Variants in NHSL2 observed in about 807,000 individuals in gnomAD.
NHSL2 encodes the protein NHS-like protein 2.
A neutral mutation model predicts 53.4 loss-of-function variants in NHSL2; 27 were observed. The observed-to-expected ratio is 0.51, with a 90% confidence interval of 0.37 to 0.70. The LOEUF is 0.70. Ranked by LOEUF, NHSL2 falls within the 30% of genes least tolerant of loss-of-function variation. The pLI is 0.00. For synonymous variants in NHSL2, 408 were observed against 404.1 expected (o/e 1.01, Z -0.12); for missense variants, 892 against 980.1 (o/e 0.91, Z 1.20).
At chrX:71,936,546 C>T (rs1178620340) in intron 1 of NHSL2, among the ~76,000 whole-genome samples, 1 of 112,726 alleles carries the variant, frequency 8.9e-6, no homozygotes, top group Non-Finnish European at 1.9e-5. Context: ...CAGGGGCTGC[C>T]ATGAGCAGTT....
At chrX:72,047,524 A>T (rs2042311864) in intron 1 of NHSL2, among the ~76,000 whole-genome samples, 3 of 112,032 alleles carry the variant, frequency 2.7e-5, no homozygotes, top group Non-Finnish European at 5.6e-5. Flanking sequence ...ACACTCTGGA[A>T]TCTTTCTCTT....
intron 1 of NHSL2, among the ~76,000 whole-genome samples, chrX:72,105,718 C>T (rs1237837116): frequency 1.8e-5 from 2 of 111,705 alleles, no homozygotes; most frequent in African/African-American, 6.5e-5. Flanking sequence ...GGCCTGTGAG[C>T]TACCCAGGAA....
chrX:71,940,490 G>A (rs1002968115), intron 1 of NHSL2, among the ~76,000 whole-genome samples: 7 of 111,661 alleles, frequency 6.3e-5, no homozygotes, highest in African/African-American at 2.3e-4. Context: ...AGAAGAGGCT[G>A]ACAGTAGAGA....
intron 1 of NHSL2, among the ~76,000 whole-genome samples, chrX:72,003,674 A>G (rs955185967): frequency 1.8e-5 from 2 of 112,110 alleles, no homozygotes; most frequent in Non-Finnish European, 3.8e-5. Flanking sequence ...AATGCTCCCA[A>G]TCTCATCAAG....
chrX:72,085,857 C>A (rs974518820), intron 1 of NHSL2, among the ~76,000 whole-genome samples: 1 of 110,147 alleles, frequency 9.1e-6, no homozygotes, highest in East Asian at 2.8e-4. Flanking sequence ...CCCTCTCCCC[C>A]ACCTTTGTGC....
chrX:72,099,858 G>T (rs770121373), intron 1 of NHSL2, among the ~76,000 whole-genome samples: 8 of 112,322 alleles, frequency 7.1e-5, no homozygotes, highest in Non-Finnish European at 1.5e-4. Context: ...TCTGGTGTAT[G>T]TTTTACACAT....
chrX:72,091,380 G>A (rs1051745974), intron 1 of NHSL2, among the ~76,000 whole-genome samples: 1 of 111,470 alleles, frequency 9.0e-6, no homozygotes, highest in Non-Finnish European at 1.9e-5. Flanking sequence ...CGTGAACCCG[G>A]GAGGCGGAGC....
At chrX:72,045,488 G>A (rs1420532669) in intron 1 of NHSL2, among the ~76,000 whole-genome samples, 3 of 111,514 alleles carry the variant, frequency 2.7e-5, no homozygotes, top group Non-Finnish European at 5.7e-5. Flanking sequence ...CAGGGGTGGA[G>A]GGGTGGTGGG....
chrX:72,140,167 G>A lies in NHSL2; in HGVS notation c.2619G>A (p.Glu873=), dbSNP rs2042402709. ...PERKTKPPVA[E]KPPVARRPPS... is the part of the protein sequence containing the mutation. Reference sequence around the variant, plus strand: ...GAAAGACAAAACCTCCCGTAGCTGAGAAGCCTCCGGTGGCCCGGAGGCCTC... The same window carrying A: ...GAAAGACAAAACCTCCCGTAGCTGAAAAGCCTCCGGTGGCCCGGAGGCCTC... The change falls in exon 6 of 8, where the codon GAG becomes GAA. Residue 873 remains glutamate (E), a synonymous_variant. Transcript: ENST00000633930. The A allele has an allele frequency of 3.3e-6, 4 of 1,211,090 alleles. No homozygotes were observed. The highest frequency in any genetic ancestry group is 4.5e-6 in the Non-Finnish European group (4 of 895,171).
In NHSL2 at chrX:72,132,063, C is replaced by T. The variant is rs1317126777; in HGVS notation, c.281-16C>T. 6 of 1,164,378 alleles carry T rather than the reference C, an allele frequency of 5.2e-6. No homozygotes were observed. The Admixed American group carries it at 1.0e-4, about 20-fold the overall frequency. On this transcript the variant is annotated splice_polypyrimidine_tract_variant and intron_variant, in intron 1 of 7. Coordinates refer to ENST00000633930, the MANE Select transcript of NHSL2 (RefSeq NM_001013627.3). ...CCAGCTCGCCTGCGCCTCTCACTGACTCTCTCCTTCCCTAGCTGCAGCTAA... is the reference window on the plus strand; with the variant it reads ...CCAGCTCGCCTGCGCCTCTCACTGATTCTCTCCTTCCCTAGCTGCAGCTAA...
At chrX:72,132,261 C>T in intron 2 of NHSL2, 27 bp downstream of exon 2, 1 of 1,134,172 alleles carries the variant, frequency 8.8e-7, no homozygotes, top group Non-Finnish European at 1.2e-6. Context: ...GGGCTGCGGC[C>T]GGAGCCCAGA....
At chrX:72,121,898 C>A (rs2042184498) in intron 1 of NHSL2, among the ~76,000 whole-genome samples, 1 of 112,194 alleles carries the variant, frequency 8.9e-6, no homozygotes, top group Admixed American at 9.4e-5. Context: ...TTATCACCAA[C>A]AGAAATCACA....
At chrX:72,078,980 C>A (rs1019232985) in intron 1 of NHSL2, among the ~76,000 whole-genome samples, 1 of 112,220 alleles carries the variant, frequency 8.9e-6, no homozygotes, top group Admixed American at 9.4e-5. Context: ...AAGCTGTTTC[C>A]TTGTCTTTCT....
intron 1 of NHSL2, among the ~76,000 whole-genome samples, chrX:72,005,972 C>T (rs1435900212): frequency 8.9e-6 from 1 of 111,829 alleles, no homozygotes; most frequent in Admixed American, 9.4e-5. Context: ...ACCTGAGGCC[C>T]AGGTTCCATT....
chrX:72,053,451 CT>C (rs2042352054), intron 1 of NHSL2, among the ~76,000 whole-genome samples: 1 of 111,931 alleles, frequency 8.9e-6, no homozygotes, highest in Non-Finnish European at 1.9e-5. Context: ...TACAGATGAA[CT>C]TTTCTTTTTA....
intron 1 of NHSL2, among the ~76,000 whole-genome samples, chrX:71,942,947 GCTCT>G (rs767412870): frequency 5.5e-5 from 4 of 72,210 alleles, no homozygotes; most frequent in African/African-American, 2.0e-4. Flanking sequence ...GGGCTCTAAT[GCTCT>G]CTCTCTCTCT....
intron 1 of NHSL2, among the ~76,000 whole-genome samples, chrX:71,971,953 T>C (rs2041926687): frequency 8.9e-6 from 1 of 111,981 alleles, no homozygotes; most frequent in Non-Finnish European, 1.9e-5. Flanking sequence ...CACTCCCTTT[T>C]AGCCTGAGAA....
chrX:72,139,417 T>C lies in NHSL2; in HGVS notation c.1869T>C (p.Ile623=). 8.3e-7 allele frequency: 1 copy of C among 1,211,152 alleles called. No homozygotes were observed. The highest frequency in any genetic ancestry group is 1.7e-5 in the African/African-American group (1 of 57,647). ...SHPDAQGHPA[I]PNHKDPESTQ... ...CAGATGCTCAGGGTCACCCAGCTAT[T>C]CCAAACCACAAAGATCCAGAAAGTA... Residue 623 remains isoleucine, a synonymous_variant, in exon 6 of 8, where the codon ATT becomes ATC. Coordinates refer to ENST00000633930, the MANE Select transcript of NHSL2 (RefSeq NM_001013627.3).
Position 72,148,476 on chromosome X carries a change from C to T in NHSL2, c.*4902C>T, listed in dbSNP as rs1432522439. On this transcript the variant is annotated 3_prime_UTR_variant, in exon 8 of 8. Coordinates refer to ENST00000633930, the MANE Select transcript of NHSL2 (RefSeq NM_001013627.3). Reference sequence around the variant, plus strand: ...AAAGGCTTTGCATGTATTTCAGCTACAAGTGACAAGGATATTAGGGATTTA... The same window carrying T: ...AAAGGCTTTGCATGTATTTCAGCTATAAGTGACAAGGATATTAGGGATTTA... 9.0e-6 allele frequency: 1 copy of T among 111,129 alleles called. No individual in the cohort carries two copies. The highest frequency in any genetic ancestry group is 1.9e-5 in the Non-Finnish European group (1 of 53,089). 9.2% of individuals were successfully genotyped at this position (111,129 alleles called of 1,213,427 possible).
Sources: gnomAD v4.1 joint callset for allele counts (sites outside exome capture counted in the v4.1 genomes callset) on GRCh38, gnomAD v4.1.1 for gene constraint, MANE v1.5 for transcripts, NCBI Gene and HGNC (gene_info 2026-07-23, HGNC 2026-07-21) for gene names.